CNNM2: variants seen among roughly 807,000 people sequenced by gnomAD.
The protein encoded by CNNM2 is cyclin and CBS domain divalent metal cation transport mediator 2.
A neutral mutation model predicts 66.9 loss-of-function variants in CNNM2; 12 were observed. The observed-to-expected ratio is 0.18, with a 90% CI of 0.11 to 0.29. The LOEUF is 0.29. Ranked by LOEUF, CNNM2 falls within the 10% of genes least tolerant of loss-of-function variation. The pLI, the probability that CNNM2 is intolerant of heterozygous loss-of-function variation, is 1.00. For missense variants in CNNM2, 705 were observed against 1,167.7 expected (o/e 0.60, Z 5.77); for synonymous variants, 557 against 501.8 (o/e 1.11, Z -1.47).
chr10:102,923,151 C>T (rs748177123), intron 1 of CNNM2, among the ~76,000 whole-genome samples: 1 of 151,570 alleles, frequency 6.6e-6, no homozygotes, highest in African/African-American at 2.4e-5. Flanking sequence ...CCCCAAGAGA[C>T]AAGGTCTCAC....
chr10:103,005,618 C>CA (rs2064210445), intron 1 of CNNM2, among the ~76,000 whole-genome samples: 1 of 152,086 alleles, frequency 6.6e-6, no homozygotes, highest in Admixed American at 6.6e-5. Context: ...CACTGCACTC[C>CA]AACCTGGGCA....
At chr10:102,920,993 C>CT (rs1295884859) in intron 1 of CNNM2, 6 of 671,990 alleles carry the variant, frequency 8.9e-6, no homozygotes, top group Non-Finnish European at 1.1e-5. Flanking sequence ...TTAACGTGTT[C>CT]TTTTTTTCCA....
At chr10:103,062,611 T>C (rs1459007492) in intron 4 of CNNM2, among the ~76,000 whole-genome samples, 2 of 152,210 alleles carry the variant, frequency 1.3e-5, no homozygotes, top group Non-Finnish European at 2.9e-5. Context: ...AAATTCTCAA[T>C]GTGTAGATGA....
At chr10:103,026,781 C>T (rs1436504014) in intron 1 of CNNM2, among the ~76,000 whole-genome samples, 1 of 151,970 alleles carries the variant, frequency 6.6e-6, no homozygotes, top group Admixed American at 6.6e-5. Flanking sequence ...GGAGTGTGTT[C>T]ATTAGCACAT....
At chr10:103,058,733 G>A (rs2065335359) in intron 4 of CNNM2, among the ~76,000 whole-genome samples, 1 of 152,232 alleles carries the variant, frequency 6.6e-6, no homozygotes, top group Non-Finnish European at 1.5e-5. Context: ...TAGTGTGTAT[G>A]TTTGATGAAC....
chr10:103,076,392 G>A, intron 7 of CNNM2, 122 bp downstream of exon 7: 1 of 962,860 alleles, frequency 1.0e-6, no homozygotes, highest in Non-Finnish European at 1.6e-6. Context: ...TGGGTGCCCT[G>A]CCTTCCATTC....
rs1440477186 is a variant in CNNM2, at chr10:103,083,940, G to A, written c.*6760G>A. On this transcript the variant is annotated 3_prime_UTR_variant, in exon 8 of 8. Coordinates refer to ENST00000369878, the MANE Select transcript of CNNM2 (RefSeq NM_017649.5). ...GGAAAACATCCGGCCTGAGTGTGGC[G>A]AGGCGTGTGCAGGTGGGTCTTCAGG... The A allele has an allele frequency of 2.6e-5, 4 of 152,220 alleles. No homozygotes were observed. Among genetic ancestry groups the A allele is most frequent in the East Asian group, 3.9e-4 (2 of 5,192 alleles). 9.4% of individuals were successfully genotyped at this position (152,220 alleles called of 1,614,324 possible).
At chr10:103,070,437 G>T (rs2065558949) in intron 5 of CNNM2, among the ~76,000 whole-genome samples, 1 of 152,216 alleles carries the variant, frequency 6.6e-6, no homozygotes, top group African/African-American at 2.4e-5. Context: ...TTGAAAGCAT[G>T]AGGGGAAATG....
intron 1 of CNNM2, among the ~76,000 whole-genome samples, chr10:103,010,396 C>T (rs1219721962): frequency 6.6e-6 from 1 of 151,962 alleles, no homozygotes; most frequent in African/African-American, 2.4e-5. Flanking sequence ...TGCCACCATG[C>T]CCGGCTAATT....
chr10:102,984,584 G>A (rs947376841), intron 1 of CNNM2, among the ~76,000 whole-genome samples: 1 of 152,154 alleles, frequency 6.6e-6, no homozygotes, highest in African/African-American at 2.4e-5. Flanking sequence ...GCTTAGGGTA[G>A]TGCTCGCTCT....
intron 1 of CNNM2, among the ~76,000 whole-genome samples, chr10:103,045,689 C>T (rs1237626595): frequency 6.6e-6 from 1 of 150,710 alleles, no homozygotes; most frequent in Non-Finnish European, 1.5e-5. Context: ...ACTTTGGCTT[C>T]ATTTATGGAT....
At chr10:102,927,602 A>C (rs1014416050) in intron 1 of CNNM2, 4 of 686,988 alleles carry the variant, frequency 5.8e-6, no homozygotes, top group African/African-American at 1.8e-5. Context: ...GTTTCTAATA[A>C]AAATACAGAA....
intron 1 of CNNM2, among the ~76,000 whole-genome samples, chr10:103,016,915 A>G (rs1014852521): frequency 7.4e-5 from 11 of 148,804 alleles, no homozygotes; most frequent in Non-Finnish European, 1.6e-4. Context: ...AAAAGCCCCA[A>G]TCTCACTGCA....
intron 4 of CNNM2, among the ~76,000 whole-genome samples, chr10:103,061,922 C>G (rs1319362322): frequency 6.6e-6 from 1 of 152,146 alleles, no homozygotes; most frequent in Admixed American, 6.5e-5. Flanking sequence ...AGTTAAGCAT[C>G]TATTACTGAT....
chr10:103,021,791 A>C (rs2064587475), intron 1 of CNNM2, among the ~76,000 whole-genome samples: 4 of 152,172 alleles, frequency 2.6e-5, no homozygotes, highest in Admixed American at 2.6e-4. Context: ...TCAAAACAGG[A>C]GTCATTGAAC....
intron 4 of CNNM2, among the ~76,000 whole-genome samples, chr10:103,059,933 G>T (rs2065356583): frequency 6.6e-6 from 1 of 152,176 alleles, no homozygotes; most frequent in Non-Finnish European, 1.5e-5. Flanking sequence ...GAGGCCAGAA[G>T]TTTATCAGCC....
intron 6 of CNNM2, 80 bp from the exon 7 acceptor site, chr10:103,076,006 T>C (rs1471393598): frequency 7.6e-7 from 1 of 1,311,176 alleles, no homozygotes; most frequent in Non-Finnish European, 1.1e-6. Flanking sequence ...GCATTTAGTA[T>C]TTTTTATTTT....
At chr10:103,023,097 G>A (rs537661957) in intron 1 of CNNM2, among the ~76,000 whole-genome samples, 6 of 152,200 alleles carry the variant, frequency 3.9e-5, no homozygotes, top group South Asian at 4.1e-4. Context: ...TAGGGAGGGC[G>A]CTTCGCTATG....
At chr10:103,046,083 C>T (rs1313086004) in intron 1 of CNNM2, among the ~76,000 whole-genome samples, 1 of 152,246 alleles carries the variant, frequency 6.6e-6, no homozygotes, top group East Asian at 1.9e-4. Flanking sequence ...TTAGTGATCA[C>T]CCAGCCGATT....
Sources: allele counts gnomAD v4.1 joint callset (sites outside exome capture counted in the v4.1 genomes callset), GRCh38; gene constraint gnomAD v4.1.1; transcripts MANE v1.5; gene names NCBI Gene and HGNC (gene_info 2026-07-23, HGNC 2026-07-21).